The following MYBPC1 variants were observed in gnomAD, a reference collection of about 807,000 sequenced individuals.
The protein encoded by MYBPC1 is myosin binding protein C1.
In MYBPC1, 52 loss-of-function variants were observed where a neutral mutation model predicts 147.1. The ratio of observed to expected loss-of-function variants is 0.35; its 90% CI spans 0.28 to 0.45. The LOEUF is 0.45. Among genes scored for constraint, MYBPC1 ranks in the 20% least tolerant of loss-of-function variants. The pLI is 1.00. For synonymous variants in MYBPC1, 477 were observed against 475.9 expected (o/e 1.00, Z -0.03); for missense variants, 1,228 against 1,440.3 (o/e 0.85, Z 2.39).
At chr12:101,690,401 T>C (rs1410551390), downstream of MYBPC1, among the ~76,000 whole-genome samples, 1 of 152,186 alleles carries the variant, frequency 6.6e-6, no homozygotes, top group Non-Finnish European at 1.5e-5. Flanking sequence ...CAGATATTGC[T>C]GATAATGACC....
chr12:101,628,422 G>A (rs1475751274), intron 5 of MYBPC1, among the ~76,000 whole-genome samples: 2 of 152,172 alleles, frequency 1.3e-5, no homozygotes, highest in Non-Finnish European at 2.9e-5. Flanking sequence ...ACATGACTAT[G>A]ATTGTCACAT....
intron 1 of MYBPC1, among the ~76,000 whole-genome samples, chr12:101,595,925 G>T (rs964262511): frequency 6.6e-6 from 1 of 151,838 alleles, no homozygotes; most frequent in Non-Finnish European, 1.5e-5. Flanking sequence ...ATAATAATAA[G>T]CACAAATTAA....
chr12:101,685,482 G>C, intron 31 of MYBPC1, 100 bp from the exon 32 acceptor site: 1 of 787,134 alleles, frequency 1.3e-6, no homozygotes. Flanking sequence ...ATGGGAACAT[G>C]ATTAGTCACA....
downstream of MYBPC1, among the ~76,000 whole-genome samples, chr12:101,687,025 AATTTT>A (rs987665203): frequency 3.3e-5 from 5 of 152,098 alleles, no homozygotes; most frequent in African/African-American, 4.8e-5. Context: ...TGTAAACACC[AATTTT>A]ATTTTATTTT....
At chr12:101,602,867 T>G (rs1880646848) in intron 1 of MYBPC1, among the ~76,000 whole-genome samples, 1 of 152,236 alleles carries the variant, frequency 6.6e-6, no homozygotes, top group Non-Finnish European at 1.5e-5. Context: ...CTTACTGAAA[T>G]GAGCCATGTC....
intron 10 of MYBPC1, among the ~76,000 whole-genome samples, chr12:101,641,462 G>A (rs1892021925): frequency 6.6e-6 from 1 of 152,160 alleles, no homozygotes; most frequent in Non-Finnish European, 1.5e-5. Context: ...AAGAAAGGAA[G>A]ACAAGTGTAA....
At chr12:101,648,368 G>A (rs1893674412) in intron 14 of MYBPC1, among the ~76,000 whole-genome samples, 1 of 152,188 alleles carries the variant, frequency 6.6e-6, no homozygotes, top group Non-Finnish European at 1.5e-5. Context: ...GGGTAAGCAC[G>A]TAGGGAAGTG....
chr12:101,682,748 C>A, intron 30 of MYBPC1, 86 bp downstream of exon 30: 1 of 1,298,772 alleles, frequency 7.7e-7, no homozygotes, highest in Non-Finnish European at 1.1e-6. Context: ...TAAAGCTTGA[C>A]TTTCTCATTT....
intron 1 of MYBPC1, among the ~76,000 whole-genome samples, chr12:101,603,479 T>C (rs1009582300): frequency 2.0e-5 from 3 of 152,086 alleles, no homozygotes; most frequent in African/African-American, 7.2e-5. Context: ...TGGTGGGTGA[T>C]TGATTGAGTG....
At position 101,595,011 on chromosome 12, in the gene MYBPC1, T is replaced by G; in HGVS notation, c.-60T>G. ...ACCATCTCTCGCCTGCCTGTGGGGT[T>G]TCTGTCAACTAGTCGTGGAGGGAAG... On this transcript the variant is annotated 5_prime_UTR_variant, in exon 1 of 32. Transcript: ENST00000361466. 1 of 1,563,314 alleles carries G rather than the reference T, an allele frequency of 6.4e-7. No individual in the cohort carries two copies. The highest frequency in any genetic ancestry group is 8.8e-7 in the Non-Finnish European group (1 of 1,134,938).
intron 10 of MYBPC1, among the ~76,000 whole-genome samples, chr12:101,639,998 G>T (rs1891709153): frequency 6.6e-6 from 1 of 152,014 alleles, no homozygotes. Context: ...ATATACATAT[G>T]AACATACATA....
intron 4 of MYBPC1, 60 bp from the exon 5 acceptor site, chr12:101,627,709 C>T (rs1329317060): frequency 3.2e-6 from 5 of 1,573,508 alleles, no homozygotes; most frequent in Non-Finnish European, 1.7e-6. Context: ...TTGAAGTCAG[C>T]ACTCCATTTT....
chr12:101,602,702 A>G (rs6539000), intron 1 of MYBPC1, among the ~76,000 whole-genome samples: 9,455 of 152,194 alleles, frequency 0.062, 795 homozygotes, highest in African/African-American at 0.19. Flanking sequence ...CTAGTGTAAT[A>G]TTTATAATAC....
intron 28 of MYBPC1, among the ~76,000 whole-genome samples, chr12:101,679,794 T>C (rs1413112826): frequency 7.1e-6 from 1 of 139,998 alleles, no homozygotes; most frequent in Non-Finnish European, 1.6e-5. Flanking sequence ...CGTGACACTT[T>C]ATGGGGTTTC....
intron 15 of MYBPC1, among the ~76,000 whole-genome samples, chr12:101,649,667 A>G (rs1276359265): frequency 2.0e-5 from 3 of 152,214 alleles, no homozygotes; most frequent in Admixed American, 6.5e-5. Flanking sequence ...ACCTGCCAGA[A>G]GAGTTATAAT....
At chr12:101,604,557 A>G (rs12146856) in intron 1 of MYBPC1, among the ~76,000 whole-genome samples, 19,375 of 152,212 alleles carry the variant, frequency 0.13, 1,403 homozygotes, top group African/African-American at 0.15. Flanking sequence ...ACCAGTTTGA[A>G]TAGAAACATT....
At chr12:101,684,245 T>C in intron 30 of MYBPC1, 137 bp from the exon 31 acceptor site, 1 of 748,456 alleles carries the variant, frequency 1.3e-6, no homozygotes, top group Non-Finnish European at 2.4e-6. Context: ...CCTACATCTT[T>C]TACATGACTA....
chr12:101,597,216 C>T (rs1235318928), intron 1 of MYBPC1, among the ~76,000 whole-genome samples: 2 of 152,182 alleles, frequency 1.3e-5, no homozygotes, highest in African/African-American at 4.8e-5. Flanking sequence ...AAAAATAAAA[C>T]ATGGCCTAGA....
intron 15 of MYBPC1, 166 bp from the exon 16 acceptor site, chr12:101,651,065 A>G: frequency 2.5e-6 from 2 of 786,812 alleles, no homozygotes; most frequent in Non-Finnish European, 4.2e-6. Flanking sequence ...GAAATTGTAC[A>G]GAATCAAATG....
Sources: allele counts gnomAD v4.1 joint callset (sites outside exome capture counted in the v4.1 genomes callset), GRCh38; gene constraint gnomAD v4.1.1; transcripts MANE v1.5; gene names NCBI Gene and HGNC (gene_info 2026-07-23, HGNC 2026-07-21).